ATP10B: variants seen among roughly 807,000 people sequenced by gnomAD.
ATP10B encodes the protein ATPase phospholipid transporting 10B (putative).
ATP10B carries 122 observed loss-of-function variants against 141.2 expected under a neutral mutation model. The ratio of observed to expected loss-of-function variants is 0.86; its 90% CI spans 0.75 to 1.00. The LOEUF is 1.00. Ranked by LOEUF, ATP10B falls within the 50% of genes least tolerant of loss-of-function variation. The pLI is 0.00. For synonymous variants in ATP10B, 685 were observed against 692.0 expected (o/e 0.99, Z 0.16); for missense variants, 1,876 against 1,825.3 (o/e 1.03, Z -0.51).
chr5:160,881,759 G>A, the ATP10B span, among the ~76,000 whole-genome samples: 4 of 152,018 alleles, frequency 2.6e-5, no homozygotes, highest in East Asian at 1.9e-4. Flanking sequence ...TGCAGTGAGA[G>A]GAGATGGCGC....
intron 24 of ATP10B, among the ~76,000 whole-genome samples, chr5:160,577,738 T>G (rs1755288413): frequency 6.6e-6 from 1 of 152,210 alleles, no homozygotes; most frequent in Admixed American, 6.5e-5. Context: ...AGGTTTTATG[T>G]GGCTACCTGT....
intron 7 of ATP10B, among the ~76,000 whole-genome samples, chr5:160,652,495 G>C (rs1760821308): frequency 7.1e-6 from 1 of 141,042 alleles, no homozygotes; most frequent in African/African-American, 2.7e-5. Flanking sequence ...GTCTCACTCT[G>C]TCACCCAGGC....
At chr5:160,635,041 G>T (rs959398246) in intron 11 of ATP10B, among the ~76,000 whole-genome samples, 10 of 152,214 alleles carry the variant, frequency 6.6e-5, no homozygotes, top group Admixed American at 2.6e-4. Flanking sequence ...CTGGAAATGG[G>T]AGTTAACAGA....
At chr5:160,866,710 T>G in the ATP10B span, among the ~76,000 whole-genome samples, 6 of 151,840 alleles carry the variant, frequency 4.0e-5, no homozygotes, top group South Asian at 1.2e-3. Context: ...ACAAAATAAA[T>G]GATATAATAG....
the ATP10B span, among the ~76,000 whole-genome samples, chr5:160,924,516 T>G: frequency 2.0e-5 from 3 of 152,204 alleles, no homozygotes; most frequent in Non-Finnish European, 4.4e-5. Flanking sequence ...CCTGAGAGCC[T>G]TGCGTGTTTG....
chr5:160,824,482 G>T (rs982666245), intron 1 of ATP10B, among the ~76,000 whole-genome samples: 5 of 152,174 alleles, frequency 3.3e-5, no homozygotes, highest in Non-Finnish European at 5.9e-5. Flanking sequence ...ACAGTCATTT[G>T]TTGCTTAACA....
chr5:160,791,069 A>G (rs1343813826), intron 1 of ATP10B, among the ~76,000 whole-genome samples: 1 of 152,030 alleles, frequency 6.6e-6, no homozygotes, highest in African/African-American at 2.4e-5. Context: ...GGTGAAAGCA[A>G]GAAAGGAAAT....
In ATP10B at chr5:160,836,028, A is replaced by C. The variant is rs1255255662; in HGVS notation, c.-576+15913T>G. On this transcript the variant is annotated intron_variant, in intron 1 of 25. Coordinates refer to ENST00000327245, the MANE Select transcript of ATP10B (RefSeq NM_025153.3). ...ACTCAAATACCACATGTTCTCACTC[A>C]CAGGTGGAAGCTAAATAAAGTGTTC... 2.0e-5 allele frequency among the ~76,000 whole-genome samples: 3 copies of C among 152,266 alleles called. No homozygotes were observed. In the South Asian group the frequency reaches 6.2e-4, roughly 32 times the overall value.
chr5:160,752,497 C>T (rs1282845736), intron 2 of ATP10B, among the ~76,000 whole-genome samples: 1 of 152,172 alleles, frequency 6.6e-6, no homozygotes, highest in African/African-American at 2.4e-5. Flanking sequence ...GCCTTATTAT[C>T]TGACTTCGAA....
intron 1 of ATP10B, among the ~76,000 whole-genome samples, chr5:160,790,683 G>A (rs1402367214): frequency 2.6e-5 from 4 of 152,148 alleles, no homozygotes; most frequent in South Asian, 2.1e-4. Flanking sequence ...GTTGACAAAA[G>A]GATGAGGTTG....
At chr5:160,609,877 A>G (rs2127635861) in intron 18 of ATP10B, among the ~76,000 whole-genome samples, 1 of 152,350 alleles carries the variant, frequency 6.6e-6, no homozygotes, top group East Asian at 1.9e-4. Context: ...GGAAGCTGGG[A>G]CTGGCACCAA....
intron 3 of ATP10B, among the ~76,000 whole-genome samples, chr5:160,707,016 A>G (rs1055617652): frequency 6.6e-6 from 1 of 152,024 alleles, no homozygotes. Context: ...AGTGGCTCTG[A>G]GTCAGCTCAC....
intron 1 of ATP10B, among the ~76,000 whole-genome samples, chr5:160,847,950 T>G (rs1363581038): frequency 1.3e-5 from 2 of 152,172 alleles, no homozygotes; most frequent in Non-Finnish European, 2.9e-5. Context: ...CGCCCACATC[T>G]CTCACAATTT....
At chr5:160,865,936 G>A in the ATP10B span, among the ~76,000 whole-genome samples, 1 of 152,116 alleles carries the variant, frequency 6.6e-6, no homozygotes, top group Non-Finnish European at 1.5e-5. Flanking sequence ...TGGATGTGGT[G>A]AAAAGGGAAC....
chr5:160,873,625 G>A, the ATP10B span, among the ~76,000 whole-genome samples: 841 of 152,276 alleles, frequency 5.5e-3, 9 homozygotes, highest in African/African-American at 0.019. Context: ...TGAGGTACCG[G>A]GTTCATCTCA....
chr5:160,862,342 G>A, the ATP10B span, among the ~76,000 whole-genome samples: 1 of 151,976 alleles, frequency 6.6e-6, no homozygotes, highest in African/African-American at 2.4e-5. Context: ...GTTCATCTGT[G>A]GATAGCAGTG....
intron 2 of ATP10B, among the ~76,000 whole-genome samples, chr5:160,783,163 G>A (rs1457354159): frequency 1.3e-5 from 2 of 151,286 alleles, no homozygotes; most frequent in Non-Finnish European, 2.9e-5. Context: ...CTTATCCCTT[G>A]TCCCCCTTCC....
chr5:160,740,585 G>A (rs548072240), intron 2 of ATP10B, among the ~76,000 whole-genome samples: 43 of 152,172 alleles, frequency 2.8e-4, no homozygotes, highest in African/African-American at 9.6e-4. Flanking sequence ...TTCACATCTC[G>A]TCTTTTATTT....
chr5:160,801,651 A>G (rs781097324), intron 1 of ATP10B, among the ~76,000 whole-genome samples: 1 of 152,168 alleles, frequency 6.6e-6, no homozygotes, highest in Non-Finnish European at 1.5e-5. Context: ...TTCTCCCCCA[A>G]ATCAGGTATC....
Sources: gnomAD v4.1 joint callset for allele counts (sites outside exome capture counted in the v4.1 genomes callset) on GRCh38, gnomAD v4.1.1 for gene constraint, MANE v1.5 for transcripts, NCBI Gene and HGNC (gene_info 2026-07-23, HGNC 2026-07-21) for gene names.